Variants in MMP28 observed in about 807,000 individuals in gnomAD.
MMP28 encodes matrix metallopeptidase 28, also known as matrix metalloproteinase-28.
Under a neutral mutation model 60.5 loss-of-function variants are expected in MMP28, and 55 were observed. That is an observed-to-expected ratio of 0.91 (90% CI 0.73 to 1.14). The LOEUF is 1.14. MMP28 is among the 50% of genes most tolerant of loss of function. The pLI is 0.00. For synonymous variants in MMP28, 318 were observed against 312.5 expected (o/e 1.02, Z -0.18); for missense variants, 686 against 738.3 (o/e 0.93, Z 0.82).
Position 35,766,740 on chromosome 17 carries a change from C to G in MMP28, c.1323G>C (p.Leu441=). The G allele has an allele frequency of 6.3e-7, 1 of 1,590,920 alleles. No homozygotes were observed. Among genetic ancestry groups the G allele is most frequent in the Non-Finnish European group, 8.5e-7 (1 of 1,169,648 alleles). ...GCTCCACTTGCAGTCCCCCTCGGGC[C>G]AGCACGTAGTAGCGGGCACCCTTGA... is the stretch of plus-strand genomic sequence containing the variant. ...ILFKGARYYV[L]ARGGLQVEPY... is the part of the protein sequence containing the mutation. The change falls in exon 8 of 8, where the codon CTG becomes CTC. Residue 441 remains leucine (L), a synonymous_variant. Transcript: ENST00000605424. The surrounding 1 kb of genome is among the most constrained non-coding windows in gnomAD (Gnocchi z 4.3).
chr17:35,772,033 C>A (rs775017548), intron 4 of MMP28, among the ~76,000 whole-genome samples: 1 of 151,888 alleles, frequency 6.6e-6, no homozygotes, highest in Non-Finnish European at 1.5e-5. Flanking sequence ...CTTCTTGGAC[C>A]CCAGGCCAAC....
chr17:35,785,148 G>A (rs1015522217), intron 1 of MMP28, among the ~76,000 whole-genome samples: 2 of 152,112 alleles, frequency 1.3e-5, no homozygotes, highest in African/African-American at 4.8e-5. Flanking sequence ...CACAGTGCTA[G>A]GGATTCTAGG....
chr17:35,762,232 C>T (rs146118503), downstream of MMP28, among the ~76,000 whole-genome samples: 3,174 of 152,220 alleles, frequency 0.021, 65 homozygotes, highest in East Asian at 0.11. Context: ...TCAGGTGATC[C>T]GCCTGCTTCG....
At chr17:35,758,223 T>C (rs1343744003) in intron 2 of MMP28, 2 of 152,192 alleles carry the variant, frequency 1.3e-5, no homozygotes, top group African/African-American at 2.4e-5. Context: ...TTTGGAGAGA[T>C]ATTCAGTCAA....
chr17:35,759,322 T>C (rs2085775515), intron 2 of MMP28, among the ~76,000 whole-genome samples: 1 of 152,336 alleles, frequency 6.6e-6, no homozygotes, highest in Admixed American at 6.5e-5. Flanking sequence ...TCAAGGGTTT[T>C]TGGATAAGTG....
chr17:35,771,745 ATATATATAT>A (rs2086160187), intron 4 of MMP28, among the ~76,000 whole-genome samples: 5 of 84,838 alleles, frequency 5.9e-5, no homozygotes, highest in African/African-American at 1.9e-4. Context: ...ATATATATAT[ATATATATAT>A]AAAATTGTGT....
chr17:35,787,646 T>C (rs894796143), intron 1 of MMP28, among the ~76,000 whole-genome samples: 6 of 152,176 alleles, frequency 3.9e-5, no homozygotes, highest in African/African-American at 1.2e-4. Flanking sequence ...GTACACACCA[T>C]GCCCGGCTAA....
At chr17:35,764,297 C>T (rs1555602217), downstream of MMP28, 1 of 1,510,710 alleles carries the variant, frequency 6.6e-7, no homozygotes. Context: ...CTTAGCGCTG[C>T]TGGGCGGCCT....
intron 1 of MMP28, among the ~76,000 whole-genome samples, chr17:35,780,957 A>G (rs1303164611): frequency 6.6e-6 from 1 of 152,206 alleles, no homozygotes; most frequent in Non-Finnish European, 1.5e-5. Flanking sequence ...GAAGGAGTTG[A>G]GTCTCTGAGG....
chr17:35,769,947 C>CA, intron 5 of MMP28, 120 bp downstream of exon 5: 1 of 1,321,832 alleles, frequency 7.6e-7, no homozygotes, highest in Non-Finnish European at 1.0e-6. Context: ...GAATCGGCGA[C>CA]AGGGAGGCCA....
In MMP28 at chr17:35,773,326, C is replaced by T. The variant is rs115343634; in HGVS notation, c.458G>A (p.Gly153Asp). 1.9e-3 allele frequency: 2,988 copies of T among 1,613,022 alleles called. 54 individuals carry two copies. In the African/African-American group the frequency reaches 0.034, roughly 18 times the overall value. Residue 153 changes from glycine to aspartate, a missense_variant, in exon 4 of 8, where the codon GGC (glycine) becomes GAC (aspartate). Gly to Asp is a moderately conservative substitution (Grantham distance 94, BLOSUM62 -1). Coordinates refer to ENST00000605424, the MANE Select transcript of MMP28 (RefSeq NM_024302.5). ...PEHLPEPAVR[G>D]AVRAAFQLWS... The stretch of plus-strand genomic sequence containing the variant: ...CAACTGGAAGGCGGCGCGCACGGCG[C>T]CCCGAACTGCCGGCTCCGGCAGATG...
downstream of MMP28, chr17:35,764,098 G>A: frequency 6.4e-7 from 1 of 1,550,428 alleles, no homozygotes; most frequent in South Asian, 1.2e-5. Flanking sequence ...CGGAGGACGA[G>A]GACGAGGACA....
In MMP28 at chr17:35,786,699, C is replaced by CAAAAAAAAAAAAAA. The variant is rs200165337; in HGVS notation, c.112-7390_112-7377dup. 1.5e-3 allele frequency among the ~76,000 whole-genome samples: 110 copies of CAAAAAAAAAAAAAA among 71,006 alleles called. 7 individuals carry two copies. The highest frequency in any genetic ancestry group is 0.014 in the Middle Eastern group (2 of 138). The allele number at this position is 71,006 out of a possible 152,430, so 46.6% of individuals were successfully genotyped here. On this transcript the variant is annotated intron_variant, in intron 1 of 7. Transcript: ENST00000605424. ...GCCTCATAGTGAGATCCTGTCTCTACAAAAAAAAAAAAAAAAGATGAATGA... is the reference window on the plus strand; with the variant it reads ...GCCTCATAGTGAGATCCTGTCTCTACAAAAAAAAAAAAAAAAAAAAAAAAAAAAAAGATGAATGA...
chr17:35,779,919 A>G (rs2086449501), intron 1 of MMP28, among the ~76,000 whole-genome samples: 1 of 152,144 alleles, frequency 6.6e-6, no homozygotes, highest in South Asian at 2.1e-4. Flanking sequence ...TCCTGAAACA[A>G]CTACATTCTC....
At chr17:35,793,887 C>G (rs2086886646) in intron 1 of MMP28, among the ~76,000 whole-genome samples, 1 of 152,162 alleles carries the variant, frequency 6.6e-6, no homozygotes, top group Non-Finnish European at 1.5e-5. Context: ...CACTTAAGGT[C>G]AGGAGTTCGA....
At chr17:35,793,871 G>T (rs1470938368) in intron 1 of MMP28, among the ~76,000 whole-genome samples, 4 of 152,316 alleles carry the variant, frequency 2.6e-5, no homozygotes, top group South Asian at 2.1e-4. Flanking sequence ...GCCAAGGCAG[G>T]CGGATCACTT....
downstream of MMP28, among the ~76,000 whole-genome samples, chr17:35,761,891 C>T (rs782007352): frequency 2.0e-5 from 3 of 152,348 alleles, no homozygotes; most frequent in East Asian, 5.8e-4. Flanking sequence ...CTAGGCCTGG[C>T]CTTTTACAAC....
chr17:35,761,528 C>T (rs2085820844), downstream of MMP28, among the ~76,000 whole-genome samples: 1 of 152,076 alleles, frequency 6.6e-6, no homozygotes. Context: ...ATTCTCCTGA[C>T]TTGGCCTCCC....
intron 4 of MMP28, 67 bp downstream of exon 4, chr17:35,773,113 C>A: frequency 1.4e-6 from 2 of 1,467,346 alleles, no homozygotes; most frequent in Non-Finnish European, 1.9e-6. Context: ...TTCATTGCCA[C>A]CCCCAAACTG....
Sources: allele counts gnomAD v4.1 joint callset (sites outside exome capture counted in the v4.1 genomes callset), GRCh38; gene constraint gnomAD v4.1.1; non-coding constraint Gnocchi (gnomAD v3.1); transcripts MANE v1.5; gene names NCBI Gene and HGNC (gene_info 2026-07-23, HGNC 2026-07-21).